Variants in B4GALNT3 observed in about 807,000 individuals in gnomAD.
The protein encoded by B4GALNT3 is beta-1,4-N-acetylgalactosaminyltransferase 3.
B4GALNT3 carries 86 observed loss-of-function variants against 120.2 expected under a neutral mutation model. The ratio of observed to expected loss-of-function variants is 0.72; its 90% CI spans 0.60 to 0.86. B4GALNT3 has a LOEUF of 0.86. Ranked by LOEUF, B4GALNT3 falls within the 40% of genes least tolerant of loss-of-function variation. The probability of loss-of-function intolerance (pLI) is 0.00; values close to 1 mark genes in which losing one functional copy is unlikely to be tolerated. For missense variants in B4GALNT3, 1,167 were observed against 1,298.9 expected, an observed-to-expected ratio of 0.90 and a Z score of 1.56; for synonymous variants, 518 against 510.4, an observed-to-expected ratio of 1.01 and a Z score of -0.20.
rs1947184806 is a variant in B4GALNT3 at position 558,396 on chromosome 12, G to T, written c.2608-112G>T. 4.8e-6 allele frequency: 5 copies of T among 1,034,276 alleles called. No individual in the cohort carries two copies. In the South Asian group the frequency reaches 7.3e-5, roughly 15 times the overall value. 64.1% of individuals were successfully genotyped at this position (1,034,276 alleles called of 1,614,324 possible). A position where few individuals can be genotyped will look rare whatever the true frequency, so the allele number is the denominator to read the frequency against. On this transcript the variant is annotated intron_variant, in intron 17 of 19. Transcript: ENST00000266383. ...CTCTGCCCAGCAGCTGGTTTTGTGG[G>T]AGTTTGTGAATCACTCCAATAGGGA...
chr12:509,533 C>T (rs1219029400), intron 1 of B4GALNT3, among the ~76,000 whole-genome samples: 1 of 152,220 alleles, frequency 6.6e-6, no homozygotes, highest in Non-Finnish European at 1.5e-5. Context: ...GTGCAGATTT[C>T]ATTGACCTAA....
At chr12:540,040 A>G (rs1029551555) in intron 3 of B4GALNT3, among the ~76,000 whole-genome samples, 9 of 152,346 alleles carry the variant, frequency 5.9e-5, no homozygotes, top group African/African-American at 1.7e-4. Context: ...CCACTGCCGC[A>G]TGAGTTAGAA....
At chr12:478,056 C>G (rs1330135307) in intron 1 of B4GALNT3, among the ~76,000 whole-genome samples, 2 of 151,938 alleles carry the variant, frequency 1.3e-5, no homozygotes, top group African/African-American at 4.8e-5. Flanking sequence ...TTTAGAGCAG[C>G]CTGGGCAACA....
intron 1 of B4GALNT3, among the ~76,000 whole-genome samples, chr12:534,398 T>A (rs955290259): frequency 1.3e-5 from 2 of 152,058 alleles, no homozygotes; most frequent in African/African-American, 4.8e-5. Context: ...GCCGGACTGA[T>A]TCTCCCCGGC....
At chr12:510,457 C>G (rs1033844624) in intron 1 of B4GALNT3, among the ~76,000 whole-genome samples, 1 of 110,762 alleles carries the variant, frequency 9.0e-6, no homozygotes, top group African/African-American at 3.0e-5. Flanking sequence ...GGGGGTTGGA[C>G]GCTGGGGGGC....
chr12:497,873 AGT>A (rs1946402622), intron 1 of B4GALNT3, among the ~76,000 whole-genome samples: 1 of 152,092 alleles, frequency 6.6e-6, no homozygotes, highest in Admixed American at 6.6e-5. Flanking sequence ...CACTCTAGAA[AGT>A]GTTTTGATTC....
chr12:498,025 T>G (rs1946404490), intron 1 of B4GALNT3, among the ~76,000 whole-genome samples: 1 of 152,022 alleles, frequency 6.6e-6, no homozygotes, highest in Admixed American at 6.6e-5. Flanking sequence ...GATTTCCCAT[T>G]CAGTGACTAA....
chr12:544,463 C>G (rs373586871), intron 4 of B4GALNT3, 29 bp downstream of exon 4: 1 of 1,584,300 alleles, frequency 6.3e-7, no homozygotes, highest in South Asian at 1.1e-5. Flanking sequence ...CCTTGCCCAC[C>G]TCCCTCCACA....
chr12:547,953 G>T, intron 7 of B4GALNT3, 71 bp from the exon 8 acceptor site: 1 of 1,305,094 alleles, frequency 7.7e-7, no homozygotes, highest in Non-Finnish European at 1.1e-6. Context: ...TGCTGGAAGG[G>T]GGTGGGACAG....
chr12:512,590 C>T (rs1195800149), intron 1 of B4GALNT3, among the ~76,000 whole-genome samples: 2 of 132,768 alleles, frequency 1.5e-5, no homozygotes, highest in Non-Finnish European at 1.7e-5. Context: ...CTTCCACCTT[C>T]GAGCTTCCAC....
Position 484,384 on chromosome 12 carries a change from C to T in B4GALNT3, c.169+23839C>T, listed in dbSNP as rs557010325. On this transcript the variant is annotated intron_variant, in intron 1 of 19. Coordinates refer to ENST00000266383, the MANE Select transcript of B4GALNT3 (RefSeq NM_173593.4). ...GCCACGGTTATCTCTGGGGCCATCA[C>T]CCTTTGCTGAGAAGGCTGAGGCTTT... Among the ~76,000 whole-genome samples the T allele has an allele frequency of 2.6e-5, 4 of 152,310 alleles. No homozygotes were observed. The South Asian group carries it at 8.3e-4, about 32-fold the overall frequency.
intron 1 of B4GALNT3, among the ~76,000 whole-genome samples, chr12:531,300 T>G: frequency 6.6e-6 from 1 of 151,892 alleles, no homozygotes; most frequent in South Asian, 2.1e-4. Context: ...TGTTACCTAT[T>G]GCCATACTGC....
intron 1 of B4GALNT3, among the ~76,000 whole-genome samples, chr12:526,780 T>G (rs1946762872): frequency 6.6e-6 from 1 of 152,212 alleles, no homozygotes; most frequent in Non-Finnish European, 1.5e-5. Context: ...AATTCGTGGC[T>G]TGGAAAATGG....
intron 1 of B4GALNT3, among the ~76,000 whole-genome samples, chr12:466,949 T>G (rs1228219842): frequency 2.0e-5 from 3 of 152,128 alleles, no homozygotes; most frequent in Non-Finnish European, 4.4e-5. Context: ...AGCACCACGA[T>G]GAAGACACAG....
In B4GALNT3 at chr12:561,393, T is replaced by C; in HGVS notation, c.2939T>C (p.Phe980Ser). Residue 980 changes from phenylalanine to serine, a missense_variant, in exon 20 of 20, where the codon TTC becomes TCC. Phe to Ser is a radical substitution (Grantham distance 155). Coordinates refer to ENST00000266383, the MANE Select transcript of B4GALNT3 (RefSeq NM_173593.4). Reference protein sequence around the residue: ...DVERLSLRNFFHHFHSKRGMW... With the variant: ...DVERLSLRNFSHHFHSKRGMW... ...GAGCGTCTCTCCCTCAGGAATTTCT[T>C]CCATCATTTCCATTCCAAGCGAGGC... The C allele has an allele frequency of 6.2e-7, 1 of 1,614,054 alleles. No homozygotes were observed.
At chr12:541,611 C>T (rs868626384) in intron 3 of B4GALNT3, among the ~76,000 whole-genome samples, 1 of 152,284 alleles carries the variant, frequency 6.6e-6, no homozygotes, top group South Asian at 2.1e-4. Context: ...AGACCCCCAC[C>T]TACAGCCTGA....
chr12:508,297 G>T (rs916052579), intron 1 of B4GALNT3, among the ~76,000 whole-genome samples: 1 of 152,050 alleles, frequency 6.6e-6, no homozygotes, highest in African/African-American at 2.4e-5. Context: ...TTTAGACAGG[G>T]TCTTGCTCCA....
At chr12:547,084 C>T (rs1354689123) in intron 7 of B4GALNT3, among the ~76,000 whole-genome samples, 4 of 152,208 alleles carry the variant, frequency 2.6e-5, no homozygotes, top group African/African-American at 9.6e-5. Context: ...CTTTCCCTTG[C>T]GGGGAGGGAG....
At chr12:524,680 T>A (rs1946745277) in intron 1 of B4GALNT3, among the ~76,000 whole-genome samples, 1 of 151,632 alleles carries the variant, frequency 6.6e-6, no homozygotes, top group African/African-American at 2.4e-5. Flanking sequence ...AACAAACGAG[T>A]TAAATCTCAG....
Sources: gnomAD v4.1 joint callset for allele counts (sites outside exome capture counted in the v4.1 genomes callset) on GRCh38, gnomAD v4.1.1 for gene constraint, MANE v1.5 for transcripts, NCBI Gene and HGNC (gene_info 2026-07-23, HGNC 2026-07-21) for gene names.